The following CPED1 variants were observed in gnomAD, a reference collection of about 807,000 sequenced individuals.
CPED1 encodes the protein cadherin like and PC-esterase domain containing 1, also known as cadherin-like and PC-esterase domain-containing protein 1.
In CPED1, 114 loss-of-function variants were observed where a neutral mutation model predicts 128.2. The observed-to-expected ratio is 0.89, with a 90% confidence interval of 0.76 to 1.04. The LOEUF is 1.04. CPED1 is among the 50% of genes least tolerant of loss of function. CPED1 has a pLI of 0.00. For synonymous variants in CPED1, 462 were observed against 426.7 expected, an observed-to-expected ratio of 1.08 and a Z score of -1.02; for missense variants, 1,211 against 1,207.1, an observed-to-expected ratio of 1.00 and a Z score of -0.05.
intron 7 of CPED1, among the ~76,000 whole-genome samples, chr7:121,112,313 C>T (rs1795131845): frequency 6.6e-6 from 1 of 152,102 alleles, no homozygotes; most frequent in Non-Finnish European, 1.5e-5. Flanking sequence ...ATGAGATCTT[C>T]CTAAATTATC....
intron 4 of CPED1, among the ~76,000 whole-genome samples, chr7:121,052,557 C>T (rs1252805989): frequency 2.6e-5 from 4 of 151,952 alleles, no homozygotes; most frequent in Non-Finnish European, 5.9e-5. Flanking sequence ...TTTATGATTG[C>T]GTGAGTCACT....
chr7:121,125,930 G>A (rs760761011), intron 9 of CPED1, 38 bp downstream of exon 9: 1 of 1,358,092 alleles, frequency 7.4e-7, no homozygotes, highest in Admixed American at 1.7e-5. Flanking sequence ...CTTCTACCTT[G>A]TGGTGAGAGA....
chr7:121,099,851 G>A (rs1794799966), intron 6 of CPED1, 75 bp from the exon 7 acceptor site: 3 of 1,475,838 alleles, frequency 2.0e-6, no homozygotes, highest in Non-Finnish European at 9.2e-7. Flanking sequence ...AGTTTACAAA[G>A]CTTGTAGGTA....
At chr7:121,100,699 A>C (rs1237473152) in intron 7 of CPED1, among the ~76,000 whole-genome samples, 1 of 152,178 alleles carries the variant, frequency 6.6e-6, no homozygotes, top group African/African-American at 2.4e-5. Flanking sequence ...ATGTTTGATA[A>C]ATTTGAAAGA....
chr7:120,990,843 T>C (rs1206611585), intron 2 of CPED1, among the ~76,000 whole-genome samples: 1 of 152,210 alleles, frequency 6.6e-6, no homozygotes, highest in Non-Finnish European at 1.5e-5. Flanking sequence ...CTACCATTAT[T>C]ACCAAAACCT....
chr7:120,999,617 G>A (rs927047720), intron 2 of CPED1, among the ~76,000 whole-genome samples: 5 of 152,128 alleles, frequency 3.3e-5, no homozygotes, highest in Middle Eastern at 6.8e-3. Flanking sequence ...CTTGCTGATG[G>A]AATTTAAATA....
In CPED1 at chr7:121,099,459, C is replaced by G. The variant is rs911220641; in HGVS notation, c.750-467C>G. Among the ~76,000 whole-genome samples the G allele has an allele frequency of 7.2e-5, 11 of 152,120 alleles. 1 individual carries two copies. Among genetic ancestry groups the G allele is most frequent in the Admixed American group, 4.6e-4 (7 of 15,270 alleles). Reference sequence around the variant, plus strand: ...CTCAGCTCAGTGCAACCTGCGCCTCCCAGGTTCAAGTGATTCTCCTGCCTC... The same window carrying G: ...CTCAGCTCAGTGCAACCTGCGCCTCGCAGGTTCAAGTGATTCTCCTGCCTC... On this transcript the variant is annotated intron_variant, in intron 6 of 22. Coordinates refer to ENST00000310396, the MANE Select transcript of CPED1 (RefSeq NM_024913.5).
intron 2 of CPED1, among the ~76,000 whole-genome samples, chr7:121,013,076 T>C (rs1280909390): frequency 3.3e-5 from 5 of 152,102 alleles, no homozygotes; most frequent in African/African-American, 9.7e-5. Context: ...CTGGATACAG[T>C]GGGTTTGCTT....
chr7:121,026,576 T>C (rs1792589892), intron 3 of CPED1, among the ~76,000 whole-genome samples: 1 of 151,766 alleles, frequency 6.6e-6, no homozygotes, highest in Admixed American at 6.6e-5. Context: ...CTTAAGGAAC[T>C]TAAAAATTTA....
At chr7:121,023,258 A>C (rs1792488284) in intron 3 of CPED1, among the ~76,000 whole-genome samples, 2 of 152,226 alleles carry the variant, frequency 1.3e-5, no homozygotes, top group South Asian at 4.1e-4. Flanking sequence ...TAGTAGTTGA[A>C]CCAATATTTT....
intron 16 of CPED1, among the ~76,000 whole-genome samples, chr7:121,151,504 C>G (rs1287898963): frequency 6.6e-6 from 1 of 152,170 alleles, no homozygotes; most frequent in Non-Finnish European, 1.5e-5. Context: ...AACAATATAA[C>G]ATTTTGGAAT....
intron 18 of CPED1, among the ~76,000 whole-genome samples, chr7:121,251,355 T>A (rs1473036907): frequency 6.6e-6 from 1 of 152,118 alleles, no homozygotes; most frequent in Non-Finnish European, 1.5e-5. Flanking sequence ...CCACAGCCAA[T>A]ATCATACTGA....
intron 6 of CPED1, among the ~76,000 whole-genome samples, chr7:121,098,731 A>AATATAT (rs1314279145): frequency 7.8e-4 from 20 of 25,520 alleles, no homozygotes; most frequent in African/African-American, 1.9e-3. Flanking sequence ...CCTTGTCTCA[A>AATATAT]ATATATATAT....
In CPED1 at chr7:121,296,468, G is replaced by A. The variant is rs1342148990; in HGVS notation, c.*816G>A. Reference sequence around the variant, plus strand: ...TCATTGATGATATTACTTAAATCTTGTGTTTGCCATTACAGCCCTATGTAA... The same window carrying A: ...TCATTGATGATATTACTTAAATCTTATGTTTGCCATTACAGCCCTATGTAA... On this transcript the variant is annotated 3_prime_UTR_variant, in exon 23 of 23. Coordinates refer to ENST00000310396, the MANE Select transcript of CPED1 (RefSeq NM_024913.5). 6.6e-6 allele frequency: 1 copy of A among 151,994 alleles called. No individual in the cohort carries two copies. The highest frequency in any genetic ancestry group is 1.5e-5 in the Non-Finnish European group (1 of 67,942). The allele number at this position is 151,994 out of a possible 1,614,324, so 9.4% of individuals were successfully genotyped here. A position where few individuals can be genotyped will look rare whatever the true frequency, so the allele number is the denominator to read the frequency against.
chr7:121,003,789 T>A (rs1443415586), intron 2 of CPED1, among the ~76,000 whole-genome samples: 1 of 152,070 alleles, frequency 6.6e-6, no homozygotes, highest in Non-Finnish European at 1.5e-5. Context: ...CCCAGGGTTG[T>A]CTCAAAGGAG....
At chr7:121,124,542 G>T in intron 8 of CPED1, 69 bp downstream of exon 8, 2 of 1,206,718 alleles carry the variant, frequency 1.7e-6, no homozygotes, top group Admixed American at 3.3e-5. Context: ...AAAAATTGTT[G>T]GTGGAAATGT....
chr7:121,204,547 A>G (rs1427954081), intron 16 of CPED1, among the ~76,000 whole-genome samples: 1 of 152,136 alleles, frequency 6.6e-6, no homozygotes, highest in Non-Finnish European at 1.5e-5. Flanking sequence ...GATCTCCAGA[A>G]TGATGGGCAG....
At chr7:121,269,250 G>A (rs1792189768) in intron 21 of CPED1, among the ~76,000 whole-genome samples, 2 of 152,020 alleles carry the variant, frequency 1.3e-5, no homozygotes, top group East Asian at 1.9e-4. Context: ...GTGAGGAGAT[G>A]CAGTATTTGA....
intron 3 of CPED1, among the ~76,000 whole-genome samples, chr7:121,043,619 C>G (rs185091346): frequency 2.6e-5 from 4 of 152,176 alleles, no homozygotes; most frequent in Non-Finnish European, 5.9e-5. Flanking sequence ...GGATGGTGTG[C>G]TGCTACCAGA....
Sources: allele counts gnomAD v4.1 joint callset (sites outside exome capture counted in the v4.1 genomes callset), GRCh38; gene constraint gnomAD v4.1.1; transcripts MANE v1.5; gene names NCBI Gene and HGNC (gene_info 2026-07-23, HGNC 2026-07-21).